The following CLPTM1 variants were observed in gnomAD, a reference collection of about 807,000 sequenced individuals.
CLPTM1 encodes the protein putative lipid scramblase CLPTM1.
In CLPTM1, 21 loss-of-function variants were observed where a neutral mutation model predicts 77.3. That is an observed-to-expected ratio of 0.27 (90% CI 0.19 to 0.39). CLPTM1 has a LOEUF of 0.39. Ranked by LOEUF, CLPTM1 falls within the 10% of genes least tolerant of loss-of-function variation. The pLI, the probability that CLPTM1 is intolerant of heterozygous loss-of-function variation, is 1.00. For synonymous variants in CLPTM1, 373 were observed against 381.0 expected, an observed-to-expected ratio of 0.98 and a Z score of 0.24; for missense variants, 642 against 921.2, an observed-to-expected ratio of 0.70 and a Z score of 3.92.
intron 3 of CLPTM1, among the ~76,000 whole-genome samples, chr19:44,973,889 G>A (rs1002530586): frequency 6.6e-6 from 1 of 150,498 alleles, no homozygotes; most frequent in Non-Finnish European, 1.5e-5. Context: ...TCAGCCTCAC[G>A]ACTAGCTGGG....
chr19:44,973,516 C>T (rs897438028), intron 3 of CLPTM1, among the ~76,000 whole-genome samples: 4 of 152,108 alleles, frequency 2.6e-5, no homozygotes, highest in Non-Finnish European at 4.4e-5. Context: ...TTCAGGGTTG[C>T]AGAGGGAGAT....
At chr19:44,986,696 A>C (rs909882599) in intron 7 of CLPTM1, 121 bp downstream of exon 7, 2 of 1,310,028 alleles carry the variant, frequency 1.5e-6, no homozygotes, top group African/African-American at 3.0e-5. Context: ...CACCCTCCCA[A>C]GCTCCCACCC....
chr19:44,960,018 C>T (rs1304852619), intron 1 of CLPTM1, among the ~76,000 whole-genome samples: 1 of 152,142 alleles, frequency 6.6e-6, no homozygotes, highest in Non-Finnish European at 1.5e-5. Flanking sequence ...TTTCCTGACC[C>T]CAAATCAGCT....
Position 44,989,002 on chromosome 19 carries a change from G to A in CLPTM1, c.1132+829G>A, listed in dbSNP as rs1971026974. On this transcript the variant is annotated intron_variant, in intron 9 of 13. Coordinates refer to ENST00000337392, the MANE Select transcript of CLPTM1 (RefSeq NM_001294.4). ...TTGAGACCAGCCTGGGCAACAAAGC[G>A]AGATTCGTTTCTACACAATTTTTTT... Among the ~76,000 whole-genome samples, 4 of 152,208 alleles carry A rather than the reference G, an allele frequency of 2.6e-5. 1 individual carries two copies. The South Asian group carries it at 8.3e-4, about 31-fold the overall frequency.
chr19:44,987,504 C>T (rs561359383), intron 8 of CLPTM1, 81 bp downstream of exon 8: 1 of 1,554,868 alleles, frequency 6.4e-7, no homozygotes, highest in African/African-American at 1.3e-5. Flanking sequence ...CAGGCCTGGG[C>T]TGTGGGACCT....
At chr19:44,955,353 C>T, upstream of CLPTM1, 2 of 492,148 alleles carry the variant, frequency 4.1e-6, no homozygotes, top group Non-Finnish European at 5.3e-6. Flanking sequence ...AAGTCGGGGA[C>T]GGGGCGGGGC....
In CLPTM1 at chr19:44,992,139, A is replaced by C. The variant is rs1268045579; in HGVS notation, c.1556-94A>C. 4 of 1,332,356 alleles carry C rather than the reference A, an allele frequency of 3.0e-6. No homozygotes were observed. The African/African-American group carries it at 5.8e-5, about 19-fold the overall frequency. 82.5% of individuals were successfully genotyped at this position (1,332,356 alleles called of 1,614,324 possible). On this transcript the variant is annotated intron_variant, in intron 12 of 13. Coordinates refer to ENST00000337392, the MANE Select transcript of CLPTM1 (RefSeq NM_001294.4). This position sits in a 1 kb window ranked among gnomAD's most constrained non-coding sequence, Gnocchi z 7.7. ...GAAGTGGTAGAGTGTGCCCAGGTGT[A>C]GGAAGTGGTGAGGGGGCTGGTATGG... is the stretch of plus-strand genomic sequence containing the variant.
chr19:44,958,260 G>A (rs544945115), intron 1 of CLPTM1, among the ~76,000 whole-genome samples: 1 of 152,264 alleles, frequency 6.6e-6, no homozygotes, highest in East Asian at 1.9e-4. Context: ...AAGGAAGGGC[G>A]AGGAGGCTGG....
rs771121772 is a variant in CLPTM1, at chr19:44,987,436, G to T, written c.1038+13G>T. The T allele has an allele frequency of 6.2e-7, 1 of 1,611,588 alleles. No homozygotes were observed. Among genetic ancestry groups the T allele is most frequent in the African/African-American group, 1.3e-5 (1 of 74,946 alleles). On this transcript the variant is annotated intron_variant, in intron 8 of 13. Transcript: ENST00000337392. ...GGACTCGGTGAAGGTGAGTGCGGCC[G>T]GTGTGGGCGGGACTTCCCGGTGCCT...
rs370988533 is a variant in CLPTM1, at chr19:44,963,933, CTT to C, written c.185+1871_185+1872del. On this transcript the variant is annotated intron_variant, in intron 2 of 13. Transcript: ENST00000337392. Reference sequence around the variant, plus strand: ...GCACCCAGTGCCTAGCTAATTTTTGCTTTTTTTTTTTTTTATTAGAGATGGGG... The same window carrying C: ...GCACCCAGTGCCTAGCTAATTTTTGCTTTTTTTTTTTTATTAGAGATGGGG... 2.5e-4 allele frequency among the ~76,000 whole-genome samples: 36 copies of C among 141,290 alleles called. No individual in the cohort carries two copies. In the South Asian group the frequency reaches 3.1e-3, roughly 12 times the overall value. The allele number at this position is 141,290 out of a possible 152,430, so 92.7% of individuals were successfully genotyped here.
chr19:44,990,375 C>T lies in CLPTM1; in HGVS notation c.1133-20C>T, dbSNP rs1040255406. ...AGCACCTCCTCAGCCTCCTGGTTCC[C>T]CCCTACCCCCTGCGCACAGATATCC... On this transcript the variant is annotated intron_variant, in intron 9 of 13. Coordinates refer to ENST00000337392, the MANE Select transcript of CLPTM1 (RefSeq NM_001294.4). The surrounding 1 kb of genome is among the most constrained non-coding windows in gnomAD (Gnocchi z 4.8). 7 of 1,612,004 alleles carry T rather than the reference C, an allele frequency of 4.3e-6. No homozygotes were observed. The highest frequency in any genetic ancestry group is 5.9e-6 in the Non-Finnish European group (7 of 1,178,536).
At position 44,990,307 on chromosome 19, in the gene CLPTM1, G is replaced by A. The variant is rs1971048851; in HGVS notation, c.1133-88G>A. ...GACCCAGCCCCACCCCAGGGTGTGA[G>A]GATGCAGGCCAAGGGGGCCTGAGGG... On this transcript the variant is annotated intron_variant, in intron 9 of 13. Transcript: ENST00000337392. This position sits in a 1 kb window ranked among gnomAD's most constrained non-coding sequence, Gnocchi z 4.8. 3.6e-6 allele frequency: 5 copies of A among 1,391,458 alleles called. No individual in the cohort carries two copies. In the East Asian group the frequency reaches 1.1e-4, roughly 32 times the overall value. 86.2% of individuals were successfully genotyped at this position (1,391,458 alleles called of 1,614,324 possible). A position where few individuals can be genotyped will look rare whatever the true frequency, so the allele number is the denominator to read the frequency against.
chr19:44,972,063 G>T (rs1970727323), intron 2 of CLPTM1, among the ~76,000 whole-genome samples: 1 of 151,188 alleles, frequency 6.6e-6, no homozygotes, highest in Non-Finnish European at 1.5e-5. Context: ...TAGAGACAGG[G>T]TTTCACCATG....
chr19:44,988,468 C>T (rs1461870719), intron 9 of CLPTM1, among the ~76,000 whole-genome samples: 1 of 152,252 alleles, frequency 6.6e-6, no homozygotes, highest in Non-Finnish European at 1.5e-5. Context: ...AGCAGGGAAG[C>T]CCCGGAGCTG....
chr19:44,990,317 C>T lies in CLPTM1; in HGVS notation c.1133-78C>T. 6.7e-7 allele frequency: 1 copy of T among 1,494,044 alleles called. No homozygotes were observed. Among genetic ancestry groups the T allele is most frequent in the Non-Finnish European group, 9.2e-7 (1 of 1,090,216 alleles). The allele number at this position is 1,494,044 out of a possible 1,614,324, so 92.5% of individuals were successfully genotyped here. ...CACCCCAGGGTGTGAGGATGCAGGC[C>T]AAGGGGGCCTGAGGGAGCTGCAGTA... On this transcript the variant is annotated intron_variant, in intron 9 of 13. Coordinates refer to ENST00000337392, the MANE Select transcript of CLPTM1 (RefSeq NM_001294.4). The surrounding 1 kb of genome is among the most constrained non-coding windows in gnomAD (Gnocchi z 4.8).
Position 44,963,207 on chromosome 19 carries a change from CAAAA to C in CLPTM1, c.185+1150_185+1153del, listed in dbSNP as rs778157562. 2.0e-3 allele frequency among the ~76,000 whole-genome samples: 57 copies of C among 29,044 alleles called. 1 individual carries two copies. The highest frequency in any genetic ancestry group is 1.3e-3 in the East Asian group (1 of 770). The allele number at this position is 29,044 out of a possible 152,430, so 19.1% of individuals were successfully genotyped here. On this transcript the variant is annotated intron_variant, in intron 2 of 13. Coordinates refer to ENST00000337392, the MANE Select transcript of CLPTM1 (RefSeq NM_001294.4). ...CTGGGGACAGAGTGAGACTCCATCT[CAAAA>C]AAAAAAAAAAAAAAAAAGCCAGGTA...
chr19:44,984,088 C>A (rs1970941581), intron 5 of CLPTM1, among the ~76,000 whole-genome samples: 1 of 152,224 alleles, frequency 6.6e-6, no homozygotes, highest in Non-Finnish European at 1.5e-5. Flanking sequence ...GCCAACTGGG[C>A]CTCTGCGAGA....
chr19:44,990,272 C>T lies in CLPTM1; in HGVS notation c.1133-123C>T, dbSNP rs1411774325. 2.2e-5 allele frequency: 20 copies of T among 929,454 alleles called. No individual in the cohort carries two copies. Among genetic ancestry groups the T allele is most frequent in the Non-Finnish European group, 3.1e-5 (19 of 605,384 alleles). 57.6% of individuals were successfully genotyped at this position (929,454 alleles called of 1,614,324 possible). ...GGGAGAGAGGGGTCTCGTTCAGCAC[C>T]CCTCCTGAGGACCCAGCCCCACCCC... On this transcript the variant is annotated intron_variant, in intron 9 of 13. Coordinates refer to ENST00000337392, the MANE Select transcript of CLPTM1 (RefSeq NM_001294.4). The surrounding 1 kb of genome is among the most constrained non-coding windows in gnomAD (Gnocchi z 4.8).
At chr19:44,956,918 G>A (rs978054059) in intron 1 of CLPTM1, among the ~76,000 whole-genome samples, 1 of 152,124 alleles carries the variant, frequency 6.6e-6, no homozygotes, top group Non-Finnish European at 1.5e-5. Context: ...TCTCGAGCTC[G>A]GCACTATCAA....
Sources: allele counts gnomAD v4.1 joint callset (sites outside exome capture counted in the v4.1 genomes callset), GRCh38; gene constraint gnomAD v4.1.1; non-coding constraint Gnocchi (gnomAD v3.1); transcripts MANE v1.5; gene names NCBI Gene and HGNC (gene_info 2026-07-23, HGNC 2026-07-21).